ARHGEF28: variants seen among roughly 807,000 people sequenced by gnomAD.
ARHGEF28 encodes 190 kDa guanine nucleotide exchange factor.
ARHGEF28 carries 152 observed loss-of-function variants against 206.6 expected under a neutral mutation model. The observed-to-expected ratio is 0.74, with a 90% CI of 0.64 to 0.84. The LOEUF (loss-of-function observed/expected upper bound fraction) is 0.84, where lower values mean the gene tolerates loss of function less well. ARHGEF28 is among the 40% of genes least tolerant of loss of function. The pLI is 0.00. For missense variants in ARHGEF28, 2,028 were observed against 2,073.2 expected (o/e 0.98, Z 0.42); for synonymous variants, 763 against 776.4 (o/e 0.98, Z 0.29).
intron 35 of ARHGEF28, among the ~76,000 whole-genome samples, chr5:73,923,652 A>G (rs2111984081): frequency 6.6e-6 from 1 of 151,766 alleles, no homozygotes; most frequent in Non-Finnish European, 1.5e-5. Context: ...ATAGACACAC[A>G]ATTGAATTCT....
intron 1 of ARHGEF28, among the ~76,000 whole-genome samples, chr5:73,646,496 A>C (rs992008807): frequency 6.6e-6 from 1 of 152,152 alleles, no homozygotes; most frequent in Non-Finnish European, 1.5e-5. Flanking sequence ...CCCGCTCTCC[A>C]TCTTTCTGTG....
intron 29 of ARHGEF28, among the ~76,000 whole-genome samples, chr5:73,895,938 G>A (rs1761937534): frequency 6.6e-6 from 1 of 152,146 alleles, no homozygotes; most frequent in Non-Finnish European, 1.5e-5. Context: ...GTCTTGAGAA[G>A]GGCATAGAGG....
rs534805254 is a variant in ARHGEF28, at chr5:73,723,958, T to G, written c.34-25879T>G. Among the ~76,000 whole-genome samples the G allele has an allele frequency of 2.8e-4, 42 of 152,352 alleles. 1 individual carries two copies. Among genetic ancestry groups the G allele is most frequent in the African/African-American group, 9.9e-4 (41 of 41,588 alleles). On this transcript the variant is annotated intron_variant, in intron 2 of 35. Transcript: ENST00000513042. ...GCAGTTCCCAAAAGTATCAGGCCTC[T>G]GTCTCTGTTCCCTTTTCTCTCAAGC...
chr5:73,795,412 C>G, intron 9 of ARHGEF28, 21 bp downstream of exon 9: 3 of 1,601,928 alleles, frequency 1.9e-6, no homozygotes, highest in Non-Finnish European at 2.6e-6. Context: ...ACGCTTTTAC[C>G]TATACTCGTA....
chr5:73,633,149 G>A (rs1016984773), intron 1 of ARHGEF28, among the ~76,000 whole-genome samples: 2 of 152,154 alleles, frequency 1.3e-5, no homozygotes, highest in African/African-American at 4.8e-5. Context: ...GCTCGGACGG[G>A]AGGTGGAGCT....
intron 9 of ARHGEF28, among the ~76,000 whole-genome samples, chr5:73,796,189 G>C (rs1754795144): frequency 6.6e-6 from 1 of 152,188 alleles, no homozygotes; most frequent in South Asian, 2.1e-4. Context: ...GGCTGAGTTT[G>C]GGCACCTGGA....
chr5:73,716,494 A>G (rs1295744515), intron 2 of ARHGEF28, among the ~76,000 whole-genome samples: 1 of 152,210 alleles, frequency 6.6e-6, no homozygotes, highest in Non-Finnish European at 1.5e-5. Flanking sequence ...TATTTAGGGC[A>G]GTAGTGTCCC....
chr5:73,908,732 A>G (rs1762686761), intron 33 of ARHGEF28: 1 of 152,180 alleles, frequency 6.6e-6, no homozygotes. Context: ...CGATCTATTA[A>G]ACAAATAAAT....
chr5:73,731,574 T>G (rs1750625484), intron 2 of ARHGEF28, among the ~76,000 whole-genome samples: 1 of 152,186 alleles, frequency 6.6e-6, no homozygotes, highest in Non-Finnish European at 1.5e-5. Flanking sequence ...AGCAAACTTC[T>G]CTTTTAGTTG....
rs138424573 is a variant in ARHGEF28, at chr5:73,696,498, C to T, written c.33+11614C>T. Among the ~76,000 whole-genome samples, 4 of 152,320 alleles carry T rather than the reference C, an allele frequency of 2.6e-5. 1 individual carries two copies. The East Asian group carries it at 7.7e-4, about 29-fold the overall frequency. On this transcript the variant is annotated intron_variant, in intron 2 of 35. Coordinates refer to ENST00000513042, the MANE Select transcript of ARHGEF28 (RefSeq NM_001177693.2). ...CACATCCTTAATATAGTCCTCTAGA[C>T]ATTTTCTATTTTGAGAGAGTATTGT...
chr5:73,867,691 G>A (rs1759796619), intron 18 of ARHGEF28, among the ~76,000 whole-genome samples, 185 bp from the exon 19 acceptor site: 1 of 152,148 alleles, frequency 6.6e-6, no homozygotes, highest in Non-Finnish European at 1.5e-5. Context: ...GTGTCAGGAG[G>A]GTGTAAAATG....
At chr5:73,802,870 CTGTGTGTGTGTGTGTGTGTGTGTGTG>C (rs561505395) in intron 9 of ARHGEF28, among the ~76,000 whole-genome samples, 1 of 122,166 alleles carries the variant, frequency 8.2e-6, no homozygotes, top group Non-Finnish European at 1.7e-5. Flanking sequence ...AGCTCGATTG[CTGTGTGTGTGTGTGTGTGTGTGTGTG>C]TGTGTGTGTG....
At chr5:73,701,275 C>T (rs1360891352) in intron 2 of ARHGEF28, among the ~76,000 whole-genome samples, 3 of 152,036 alleles carry the variant, frequency 2.0e-5, no homozygotes, top group Non-Finnish European at 4.4e-5. Context: ...GCATGGATGG[C>T]AGGGGATTAA....
chr5:73,667,653 C>T (rs1255699808), intron 1 of ARHGEF28, among the ~76,000 whole-genome samples: 3 of 152,158 alleles, frequency 2.0e-5, no homozygotes, highest in Non-Finnish European at 4.4e-5. Flanking sequence ...GACAGCTTTT[C>T]TCTTCTTTAC....
At chr5:73,667,279 A>C (rs918451189) in intron 1 of ARHGEF28, among the ~76,000 whole-genome samples, 1 of 152,150 alleles carries the variant, frequency 6.6e-6, no homozygotes. Context: ...TGGGGGGCTT[A>C]GAATTTTATT....
intron 4 of ARHGEF28, among the ~76,000 whole-genome samples, chr5:73,770,510 A>G (rs561293354): frequency 6.6e-6 from 1 of 152,340 alleles, no homozygotes; most frequent in African/African-American, 2.4e-5. Flanking sequence ...CCTGGCACCA[A>G]CCAAACAGGA....
chr5:73,816,603 G>A (rs1170966026), intron 9 of ARHGEF28, among the ~76,000 whole-genome samples: 1 of 152,164 alleles, frequency 6.6e-6, no homozygotes, highest in Non-Finnish European at 1.5e-5. Context: ...TTTAGAGCAA[G>A]GATTTGGTAA....
At chr5:73,680,689 A>AT (rs1185944522) in intron 1 of ARHGEF28, among the ~76,000 whole-genome samples, 1 of 152,116 alleles carries the variant, frequency 6.6e-6, no homozygotes, top group Non-Finnish European at 1.5e-5. Context: ...TTAAAAAAAA[A>AT]TTTTGAGTAT....
At chr5:73,710,928 T>G (rs1749203600) in intron 2 of ARHGEF28, among the ~76,000 whole-genome samples, 1 of 152,170 alleles carries the variant, frequency 6.6e-6, no homozygotes, top group Non-Finnish European at 1.5e-5. Context: ...TGTCTCAAAC[T>G]CCTAACCTCA....
Sources: gnomAD v4.1 joint callset for allele counts (sites outside exome capture counted in the v4.1 genomes callset) on GRCh38, gnomAD v4.1.1 for gene constraint, MANE v1.5 for transcripts, NCBI Gene and HGNC (gene_info 2026-07-23, HGNC 2026-07-21) for gene names.